The following CNTNAP5 variants were observed in gnomAD, a reference collection of about 807,000 sequenced individuals.
CNTNAP5 encodes contactin-associated protein-like 5.
In CNTNAP5, 72 loss-of-function variants were observed where a neutral mutation model predicts 150.2. The ratio of observed to expected loss-of-function variants is 0.48; its 90% confidence interval spans 0.40 to 0.58. The LOEUF (loss-of-function observed/expected upper bound fraction) is 0.58, where lower values mean the gene tolerates loss of function less well. Among genes scored for constraint, CNTNAP5 ranks in the 20% least tolerant of loss-of-function variants. The pLI, the probability that CNTNAP5 is intolerant of heterozygous loss-of-function variation, is 0.00. For synonymous variants in CNTNAP5, 672 were observed against 619.8 expected (o/e 1.08, Z -1.25); for missense variants, 1,636 against 1,626.2 (o/e 1.01, Z -0.10).
At chr2:124,473,544 C>G (rs1693569054) in intron 6 of CNTNAP5, among the ~76,000 whole-genome samples, 1 of 151,996 alleles carries the variant, frequency 6.6e-6, no homozygotes, top group Non-Finnish European at 1.5e-5. Flanking sequence ...TAAAAATAGC[C>G]TTAAGTGTAT....
intron 13 of CNTNAP5, among the ~76,000 whole-genome samples, chr2:124,727,483 C>T (rs1387175156): frequency 1.3e-5 from 2 of 151,928 alleles, no homozygotes; most frequent in African/African-American, 4.8e-5. Flanking sequence ...GTGTCTTTCA[C>T]CATTTCGTTT....
chr2:124,444,484 A>G (rs1692760013), intron 5 of CNTNAP5, among the ~76,000 whole-genome samples: 1 of 152,048 alleles, frequency 6.6e-6, no homozygotes, highest in Non-Finnish European at 1.5e-5. Context: ...AATCCCAGCT[A>G]TTCTAGAGGC....
intron 23 of CNTNAP5, among the ~76,000 whole-genome samples, chr2:124,913,111 A>G (rs1026509470): frequency 5.9e-5 from 9 of 152,102 alleles, no homozygotes; most frequent in Admixed American, 3.9e-4. Context: ...TCTGTAAATC[A>G]TAATTCATTA....
chr2:124,155,982 C>G (rs558691475), intron 1 of CNTNAP5, among the ~76,000 whole-genome samples: 1 of 152,310 alleles, frequency 6.6e-6, no homozygotes, highest in African/African-American at 2.4e-5. Flanking sequence ...TGTGCGTGGC[C>G]AGCCACCCTC....
At position 124,223,968 on chromosome 2, in the gene CNTNAP5, C is replaced by T. The variant is rs1227100072; in HGVS notation, c.187+2159C>T. 3.9e-5 allele frequency among the ~76,000 whole-genome samples: 6 copies of T among 151,910 alleles called. No individual in the cohort carries two copies. In the South Asian group the frequency reaches 6.2e-4, roughly 16 times the overall value. ...TCCTTTACTCACCGAGGCCCAACCACGGCCCTCAGTGGGAATTAAACACTG... is the reference window on the plus strand; with the variant it reads ...TCCTTTACTCACCGAGGCCCAACCATGGCCCTCAGTGGGAATTAAACACTG... On this transcript the variant is annotated intron_variant, in intron 2 of 23. Transcript: ENST00000682447.
chr2:124,279,882 T>C (rs1331812264), intron 3 of CNTNAP5, among the ~76,000 whole-genome samples: 1 of 152,092 alleles, frequency 6.6e-6, no homozygotes, highest in Non-Finnish European at 1.5e-5. Flanking sequence ...CCCCAGTCCC[T>C]ACATATACAT....
At chr2:124,707,508 T>C (rs529013694) in intron 13 of CNTNAP5, among the ~76,000 whole-genome samples, 2 of 146,730 alleles carry the variant, frequency 1.4e-5, no homozygotes, top group South Asian at 4.2e-4. Flanking sequence ...TAATAAAGTT[T>C]TAAGGAAAAA....
At chr2:124,668,883 G>A (rs1166465749) in intron 13 of CNTNAP5, among the ~76,000 whole-genome samples, 1 of 152,140 alleles carries the variant, frequency 6.6e-6, no homozygotes, top group African/African-American at 2.4e-5. Flanking sequence ...GGAAGTGCTA[G>A]GGCACTTTTC....
At chr2:124,558,204 C>G (rs1558953162) in intron 10 of CNTNAP5, among the ~76,000 whole-genome samples, 1 of 152,108 alleles carries the variant, frequency 6.6e-6, no homozygotes, top group Non-Finnish European at 1.5e-5. Flanking sequence ...GCATCTCAGA[C>G]TAGAGGAACA....
intron 1 of CNTNAP5, among the ~76,000 whole-genome samples, chr2:124,071,146 G>T (rs1179004636): frequency 6.6e-6 from 1 of 151,842 alleles, no homozygotes; most frequent in Non-Finnish European, 1.5e-5. Context: ...TGAAGCAAAT[G>T]ATAATGAATA....
At chr2:124,343,995 G>A (rs1239009307) in intron 3 of CNTNAP5, among the ~76,000 whole-genome samples, 1 of 152,078 alleles carries the variant, frequency 6.6e-6, no homozygotes, top group Non-Finnish European at 1.5e-5. Context: ...CTATCCCCAT[G>A]AGAACTCATT....
At chr2:124,376,335 C>T (rs1183483907) in intron 3 of CNTNAP5, among the ~76,000 whole-genome samples, 1 of 151,992 alleles carries the variant, frequency 6.6e-6, no homozygotes, top group Non-Finnish European at 1.5e-5. Flanking sequence ...CAGGAGCAAG[C>T]ATAGACATTA....
intron 3 of CNTNAP5, among the ~76,000 whole-genome samples, chr2:124,413,370 C>T (rs1464355371): frequency 6.7e-6 from 1 of 149,082 alleles, no homozygotes; most frequent in Non-Finnish European, 1.5e-5. Context: ...ACGCAGCCAT[C>T]CCATTACTGG....
chr2:124,715,076 G>T (rs546210457), intron 13 of CNTNAP5, among the ~76,000 whole-genome samples: 1 of 152,284 alleles, frequency 6.6e-6, no homozygotes, highest in South Asian at 2.1e-4. Flanking sequence ...TAATGCTATT[G>T]CTTGGATCCC....
chr2:124,781,262 T>C (rs1019600113), intron 17 of CNTNAP5, among the ~76,000 whole-genome samples: 40 of 152,154 alleles, frequency 2.6e-4, no homozygotes, highest in African/African-American at 9.4e-4. Context: ...AGAGGTGAGC[T>C]GGATTTTCTA....
intron 3 of CNTNAP5, among the ~76,000 whole-genome samples, chr2:124,280,390 G>A (rs2420539): frequency 6.6e-5 from 10 of 151,934 alleles, no homozygotes; most frequent in South Asian, 2.1e-4. Context: ...GACTGGTCTC[G>A]AACTCCTGAC....
chr2:124,132,133 G>A (rs1009634831), intron 1 of CNTNAP5, among the ~76,000 whole-genome samples: 3 of 152,138 alleles, frequency 2.0e-5, no homozygotes, highest in Non-Finnish European at 2.9e-5. Flanking sequence ...GCCCTGTACC[G>A]ACAGTGCCAT....
intron 3 of CNTNAP5, among the ~76,000 whole-genome samples, chr2:124,325,506 A>G (rs13421371): frequency 0.012 from 1,895 of 152,320 alleles, 39 homozygotes; most frequent in African/African-American, 0.041. Context: ...TTTCTCTAAT[A>G]CAGAGTGTCT....
intron 19 of CNTNAP5, among the ~76,000 whole-genome samples, chr2:124,814,872 C>T (rs1000219958): frequency 1.2e-4 from 19 of 152,158 alleles, no homozygotes; most frequent in African/African-American, 3.4e-4. Context: ...CAATTTAAAA[C>T]AGGCAAAATA....
Sources: gnomAD v4.1 joint callset for allele counts (sites outside exome capture counted in the v4.1 genomes callset) on GRCh38, gnomAD v4.1.1 for gene constraint, MANE v1.5 for transcripts, NCBI Gene and HGNC (gene_info 2026-07-23, HGNC 2026-07-21) for gene names.